Variants in MCU observed in about 807,000 individuals in gnomAD.
The protein encoded by MCU is calcium uniporter protein, mitochondrial.
A neutral mutation model predicts 45.2 loss-of-function variants in MCU; 12 were observed. That is an observed-to-expected ratio of 0.27 (90% CI 0.17 to 0.43). MCU has a LOEUF of 0.43. Ranked by LOEUF, MCU falls within the 20% of genes least tolerant of loss-of-function variation. The probability of loss-of-function intolerance (pLI) is 1.00; values close to 1 mark genes in which losing one functional copy is unlikely to be tolerated. For missense variants in MCU, 324 were observed against 436.7 expected (o/e 0.74, Z 2.30); for synonymous variants, 160 against 165.1 (o/e 0.97, Z 0.24).
intron 1 of MCU, among the ~76,000 whole-genome samples, chr10:72,818,658 G>T (rs1236385382): frequency 6.6e-6 from 1 of 151,980 alleles, no homozygotes; most frequent in Admixed American, 6.6e-5. Context: ...TGGCCAACGT[G>T]GTGAAAACCC....
intron 1 of MCU, among the ~76,000 whole-genome samples, chr10:72,778,951 G>A (rs1204451710): frequency 6.6e-6 from 1 of 152,032 alleles, no homozygotes; most frequent in Non-Finnish European, 1.5e-5. Context: ...GAATAGAATC[G>A]AGAATTCAGA....
At chr10:72,869,300 C>T (rs1460078159) in intron 5 of MCU, among the ~76,000 whole-genome samples, 1 of 152,118 alleles carries the variant, frequency 6.6e-6, no homozygotes, top group African/African-American at 2.4e-5. Flanking sequence ...TAAAACATAA[C>T]AAGGCTGGGC....
intron 1 of MCU, among the ~76,000 whole-genome samples, chr10:72,700,275 G>C (rs556630002): frequency 6.6e-6 from 1 of 151,902 alleles, no homozygotes; most frequent in Non-Finnish European, 1.5e-5. Flanking sequence ...TGGCCAGGCT[G>C]GTCTTGAACT....
rs188169222 is a variant in MCU at position 72,844,355 on chromosome 10, C to G, written c.220+9927C>G. ...TGAGCCACGATTGTGCCACTGCATT[C>G]CAGCCTGGGCAACAGAGCAAGACTC... On this transcript the variant is annotated intron_variant, in intron 2 of 7. Transcript: ENST00000373053. 1.8e-4 allele frequency among the ~76,000 whole-genome samples: 27 copies of G among 152,158 alleles called. No homozygotes were observed. In the East Asian group the frequency reaches 5.0e-3, roughly 28 times the overall value.
chr10:72,723,712 A>G (rs535758346), intron 1 of MCU, among the ~76,000 whole-genome samples: 51 of 152,346 alleles, frequency 3.3e-4, no homozygotes, highest in African/African-American at 1.2e-3. Context: ...TGGCTGTATC[A>G]GTATTTGTGC....
In MCU at chr10:72,885,760, A is replaced by G; in HGVS notation, c.994A>G (p.Lys332Glu). The stretch of plus-strand genomic sequence containing the variant: ...TCTATTTTAGGCAGAAATGGACCTT[A>G]AGAGACTGAGAGACCCATTACAAGT... Reference protein sequence around the residue: ...DAIAQAEMDLKRLRDPLQVHL... With the variant: ...DAIAQAEMDLERLRDPLQVHL... The change falls in exon 8 of 8, where the codon AAG (lysine) becomes GAG (glutamate). Residue 332 changes from lysine to glutamate, a missense_variant. Lys to Glu is a moderately conservative substitution (Grantham distance 56). Around this residue, in one of 4 missense-constraint regions of MCU, gnomAD observed 76 missense variants for 99.4 expected, o/e 0.76. Transcript: ENST00000373053. 1.2e-6 allele frequency: 2 copies of G among 1,613,304 alleles called. No homozygotes were observed. Among genetic ancestry groups the G allele is most frequent in the Non-Finnish European group, 1.7e-6 (2 of 1,179,354 alleles).
chr10:72,797,786 T>C (rs903714592), intron 1 of MCU, among the ~76,000 whole-genome samples: 10 of 152,050 alleles, frequency 6.6e-5, no homozygotes, highest in African/African-American at 2.4e-4. Context: ...CCACCCACCT[T>C]GGCCTCCCAA....
chr10:72,746,211 C>A (rs564644369), intron 1 of MCU, among the ~76,000 whole-genome samples: 2 of 152,152 alleles, frequency 1.3e-5, no homozygotes, highest in Non-Finnish European at 2.9e-5. Context: ...CTGTCTCATA[C>A]CAGCCACACT....
At chr10:72,825,001 A>G (rs2132821203) in intron 1 of MCU, among the ~76,000 whole-genome samples, 1 of 152,282 alleles carries the variant, frequency 6.6e-6, no homozygotes, top group Admixed American at 6.5e-5. Context: ...CTGTAAGTCA[A>G]GGTCAAAATA....
At chr10:72,766,909 T>G (rs1212786586) in intron 1 of MCU, 1 of 152,194 alleles carries the variant, frequency 6.6e-6, no homozygotes, top group Non-Finnish European at 1.5e-5. Flanking sequence ...TTCTACAGGA[T>G]CTAGCTTTGA....
chr10:72,747,541 A>G (rs1843431990), intron 1 of MCU, among the ~76,000 whole-genome samples: 1 of 152,334 alleles, frequency 6.6e-6, no homozygotes, highest in African/African-American at 2.4e-5. Context: ...ACATAAAAAC[A>G]TAGAAATAGG....
intron 2 of MCU, among the ~76,000 whole-genome samples, chr10:72,856,587 A>G (rs1373553388): frequency 1.3e-5 from 2 of 152,000 alleles, no homozygotes; most frequent in Admixed American, 1.3e-4. Flanking sequence ...TAGGGATATA[A>G]ATCCTTAGAA....
chr10:72,811,965 T>G (rs532860169), intron 1 of MCU, among the ~76,000 whole-genome samples: 2 of 152,258 alleles, frequency 1.3e-5, no homozygotes, highest in East Asian at 3.9e-4. Flanking sequence ...TAAATTTTAT[T>G]CAGCCAACCC....
intron 1 of MCU, among the ~76,000 whole-genome samples, chr10:72,807,070 G>A (rs529054364): frequency 6.6e-5 from 10 of 152,290 alleles, no homozygotes; most frequent in South Asian, 2.1e-4. Flanking sequence ...GGTAGTGAAC[G>A]TGGTTCCTTA....
Position 72,857,241 on chromosome 10 carries a change from AC to A in MCU, c.221-1928del, listed in dbSNP as rs150174418. On this transcript the variant is annotated intron_variant, in intron 2 of 7. Transcript: ENST00000373053. ...AACAGCTCTGTGAGTTAGGGATTAAACCCCCCCCTTTTTTTTTCAGACAGAT... is the reference window on the plus strand; with the variant it reads ...AACAGCTCTGTGAGTTAGGGATTAAACCCCCCCTTTTTTTTTCAGACAGAT... Among the ~76,000 whole-genome samples the A allele has an allele frequency of 3.1e-3, 455 of 148,038 alleles. 5 individuals are homozygous for A. The highest frequency in any genetic ancestry group is 0.011 in the African/African-American group (426 of 40,256).
At chr10:72,850,859 TCAAC>T (rs1317891915) in intron 2 of MCU, among the ~76,000 whole-genome samples, 2 of 152,226 alleles carry the variant, frequency 1.3e-5, no homozygotes, top group East Asian at 1.9e-4. Flanking sequence ...ATTAAAAAAT[TCAAC>T]CAAACAGCCA....
intron 1 of MCU, among the ~76,000 whole-genome samples, chr10:72,749,837 G>A (rs1298930791): frequency 6.6e-6 from 1 of 152,082 alleles, no homozygotes; most frequent in Non-Finnish European, 1.5e-5. Flanking sequence ...CGTGATCTCA[G>A]CTCACTGCAG....
intron 3 of MCU, 78 bp from the exon 4 acceptor site, chr10:72,860,345 G>T (rs558361063): frequency 8.0e-7 from 1 of 1,253,620 alleles, no homozygotes; most frequent in South Asian, 1.3e-5. Context: ...TTTTAAAAAC[G>T]ATTTTGAAGA....
intron 1 of MCU, among the ~76,000 whole-genome samples, chr10:72,705,872 T>C (rs1304647194): frequency 1.3e-5 from 2 of 151,884 alleles, no homozygotes; most frequent in African/African-American, 2.4e-5. Flanking sequence ...TTCCAGCTAC[T>C]TGGGAGGCTG....
Sources: allele counts gnomAD v4.1 joint callset (sites outside exome capture counted in the v4.1 genomes callset), GRCh38; gene constraint gnomAD v4.1.1; regional missense constraint gnomAD v4.1.1; transcripts MANE v1.5; gene names NCBI Gene and HGNC (gene_info 2026-07-23, HGNC 2026-07-21).